Variants in PDSS2 observed in about 807,000 individuals in gnomAD.
The protein encoded by PDSS2 is decaprenyl diphosphate synthase subunit 2, also known as all trans-polyprenyl-diphosphate synthase PDSS2.
PDSS2 carries 31 observed loss-of-function variants against 44.5 expected under a neutral mutation model. That is an observed-to-expected ratio of 0.70 (90% confidence interval 0.52 to 0.94). The LOEUF (loss-of-function observed/expected upper bound fraction) is 0.94, where lower values mean the gene tolerates loss of function less well. PDSS2 is among the 40% of genes least tolerant of loss of function. PDSS2 has a pLI of 0.00. For synonymous variants in PDSS2, 157 were observed against 180.3 expected, an observed-to-expected ratio of 0.87 and a Z score of 1.03; for missense variants, 452 against 482.2, an observed-to-expected ratio of 0.94 and a Z score of 0.59.
intron 7 of PDSS2, among the ~76,000 whole-genome samples, chr6:107,171,588 C>G (rs1554248616): frequency 6.6e-6 from 1 of 152,084 alleles, no homozygotes; most frequent in Non-Finnish European, 1.5e-5. Context: ...CAAAGCTCAC[C>G]ACAGCCTCAA....
At chr6:107,368,953 T>C (rs1232009535) in intron 1 of PDSS2, among the ~76,000 whole-genome samples, 3 of 152,310 alleles carry the variant, frequency 2.0e-5, no homozygotes, top group Admixed American at 6.5e-5. Context: ...TAGTGTAGTA[T>C]TGGTATAATG....
chr6:107,180,271 T>C (rs1478564151), intron 7 of PDSS2, among the ~76,000 whole-genome samples: 1 of 152,108 alleles, frequency 6.6e-6, no homozygotes, highest in Admixed American at 6.6e-5. Context: ...AATCCAGCTA[T>C]CCCACAGTGC....
intron 1 of PDSS2, among the ~76,000 whole-genome samples, chr6:107,419,684 TAAACACAC>T (rs987658704): frequency 6.6e-6 from 1 of 152,210 alleles, no homozygotes; most frequent in African/African-American, 2.4e-5. Flanking sequence ...ATCAAACTTG[TAAACACAC>T]AAACACACAC....
At chr6:107,310,361 A>G (rs1777004448) in intron 2 of PDSS2, among the ~76,000 whole-genome samples, 1 of 152,018 alleles carries the variant, frequency 6.6e-6, no homozygotes, top group Non-Finnish European at 1.5e-5. Context: ...TAAAAAAACA[A>G]CCAGGAAAGA....
At chr6:107,199,680 T>C (rs1017299369) in intron 6 of PDSS2, among the ~76,000 whole-genome samples, 6 of 152,238 alleles carry the variant, frequency 3.9e-5, no homozygotes, top group African/African-American at 9.6e-5. Flanking sequence ...TGCTCACAAC[T>C]GTATCCCAAG....
chr6:107,155,468 G>A (rs914375801), intron 7 of PDSS2, among the ~76,000 whole-genome samples: 2 of 151,920 alleles, frequency 1.3e-5, no homozygotes, highest in African/African-American at 4.8e-5. Flanking sequence ...ATTCTTATGT[G>A]AGGAAGGCTT....
chr6:107,363,727 C>A (rs1778861572), intron 1 of PDSS2, among the ~76,000 whole-genome samples: 1 of 152,164 alleles, frequency 6.6e-6, no homozygotes, highest in African/African-American at 2.4e-5. Flanking sequence ...CCACCCACAT[C>A]CTGCTGATTG....
At chr6:107,235,213 CAAG>C (rs1410272138) in intron 4 of PDSS2, among the ~76,000 whole-genome samples, 1 of 152,130 alleles carries the variant, frequency 6.6e-6, no homozygotes, top group East Asian at 1.9e-4. Context: ...GCAGAGTACA[CAAG>C]AAGAGAGAGC....
At chr6:107,373,246 A>C (rs980388383) in intron 1 of PDSS2, among the ~76,000 whole-genome samples, 3 of 152,092 alleles carry the variant, frequency 2.0e-5, no homozygotes, top group Admixed American at 1.3e-4. Flanking sequence ...TGGACTCCCA[A>C]AGTGCTGAGA....
At chr6:107,448,238 CA>C (rs1781752003) in intron 1 of PDSS2, among the ~76,000 whole-genome samples, 1 of 152,212 alleles carries the variant, frequency 6.6e-6, no homozygotes, top group African/African-American at 2.4e-5. Flanking sequence ...ATTACTTATG[CA>C]AATTTGTGCA....
At chr6:107,259,597 C>G (rs1562414966) in intron 3 of PDSS2, among the ~76,000 whole-genome samples, 1 of 151,998 alleles carries the variant, frequency 6.6e-6, no homozygotes. Flanking sequence ...ATCTCTTGAA[C>G]CCAGGAGGCG....
chr6:107,379,308 C>T (rs1779386660), intron 1 of PDSS2, among the ~76,000 whole-genome samples: 2 of 152,092 alleles, frequency 1.3e-5, no homozygotes, highest in Non-Finnish European at 2.9e-5. Context: ...CTGATGTTTA[C>T]TTTTGTGACC....
intron 1 of PDSS2, among the ~76,000 whole-genome samples, chr6:107,350,168 C>T (rs1024387642): frequency 2.6e-5 from 4 of 152,186 alleles, no homozygotes; most frequent in African/African-American, 9.7e-5. Flanking sequence ...TGTTCCATGA[C>T]AGCAGATTTC....
At position 107,459,352 on chromosome 6, in the gene PDSS2, C is replaced by T; in HGVS notation, c.-67G>A. The T allele has an allele frequency of 7.4e-7, 1 of 1,350,870 alleles. No individual in the cohort carries two copies. The highest frequency in any genetic ancestry group is 1.1e-6 in the Non-Finnish European group (1 of 948,626). The allele number at this position is 1,350,870 out of a possible 1,614,324, so 83.7% of individuals were successfully genotyped here. On this transcript the variant is annotated 5_prime_UTR_variant, in exon 1 of 8. Transcript: ENST00000369037. The surrounding 1 kb of genome is among the most constrained non-coding windows in gnomAD (Gnocchi z 4.3). ...AGTGCCGCGGGAAACAAACCAGGGGCAGAGGAGGAACTTACAGTAACTAAA... is the reference window on the plus strand; with the variant it reads ...AGTGCCGCGGGAAACAAACCAGGGGTAGAGGAGGAACTTACAGTAACTAAA...
At chr6:107,410,462 T>C (rs1780455353) in intron 1 of PDSS2, among the ~76,000 whole-genome samples, 1 of 134,910 alleles carries the variant, frequency 7.4e-6, no homozygotes, top group Admixed American at 8.0e-5. Flanking sequence ...ATATGTACTG[T>C]CCTCTACGCT....
intron 7 of PDSS2, among the ~76,000 whole-genome samples, chr6:107,184,633 G>A (rs1772100413): frequency 6.6e-6 from 1 of 152,172 alleles, no homozygotes; most frequent in African/African-American, 2.4e-5. Flanking sequence ...AAGGACTTCT[G>A]GGGGTGAAGA....
chr6:107,452,019 CT>C (rs1437032677), intron 1 of PDSS2, among the ~76,000 whole-genome samples: 2 of 151,876 alleles, frequency 1.3e-5, no homozygotes, highest in Non-Finnish European at 2.9e-5. Flanking sequence ...TCTTTTCTTT[CT>C]TCTTCTTTTT....
chr6:107,299,095 T>C (rs969970415), intron 2 of PDSS2, among the ~76,000 whole-genome samples: 4 of 128,820 alleles, frequency 3.1e-5, no homozygotes, highest in African/African-American at 1.2e-4. Flanking sequence ...TGCAGTGAGC[T>C]GAGATCGTAT....
At chr6:107,313,780 T>C (rs1777120015) in intron 2 of PDSS2, among the ~76,000 whole-genome samples, 1 of 152,182 alleles carries the variant, frequency 6.6e-6, no homozygotes, top group African/African-American at 2.4e-5. Context: ...TATTTCCTAG[T>C]AATTTGAGTA....
Sources: allele counts gnomAD v4.1 joint callset (sites outside exome capture counted in the v4.1 genomes callset), GRCh38; gene constraint gnomAD v4.1.1; non-coding constraint Gnocchi (gnomAD v3.1); transcripts MANE v1.5; gene names NCBI Gene and HGNC (gene_info 2026-07-23, HGNC 2026-07-21).